The following CYLD variants were observed in gnomAD, a reference collection of about 807,000 sequenced individuals.
CYLD encodes the protein ubiquitin carboxyl-terminal hydrolase CYLD.
CYLD carries 26 observed loss-of-function variants against 104.5 expected under a neutral mutation model. The ratio of observed to expected loss-of-function variants is 0.25; its 90% CI spans 0.18 to 0.35. CYLD has a LOEUF of 0.35. CYLD is among the 10% of genes least tolerant of loss of function. The pLI is 1.00. For synonymous variants in CYLD, 385 were observed against 399.9 expected, an observed-to-expected ratio of 0.96 and a Z score of 0.45; for missense variants, 703 against 1,136.1, an observed-to-expected ratio of 0.62 and a Z score of 5.48.
chr16:50,794,517 A>G lies in CYLD; in HGVS notation c.2686+89A>G, dbSNP rs778742301. ...AGTGGGATCGCCTGTTCTGAGTGAT[A>G]TTTTCTGAGAAAATCCTTTCAGGAT... On this transcript the variant is annotated intron_variant, in intron 18 of 18. Coordinates refer to ENST00000427738, the MANE Select transcript of CYLD (RefSeq NM_001378743.1). This position sits in a 1 kb window ranked among gnomAD's most constrained non-coding sequence, Gnocchi z 4.1. The G allele has an allele frequency of 1.4e-5, 17 of 1,230,216 alleles. No homozygotes were observed. The highest frequency in any genetic ancestry group is 2.0e-5 in the Non-Finnish European group (17 of 836,178). 76.2% of individuals were successfully genotyped at this position (1,230,216 alleles called of 1,614,324 possible).
chr16:50,787,541 T>C (rs1399105953), intron 13 of CYLD: 9 of 421,544 alleles, frequency 2.1e-5, no homozygotes, highest in African/African-American at 1.0e-4. Flanking sequence ...TTATGTGCAA[T>C]GTGTTACACC....
chr16:50,791,814 A>G (rs935881711), intron 15 of CYLD, 124 bp downstream of exon 15: 6 of 1,093,430 alleles, frequency 5.5e-6, no homozygotes, highest in Non-Finnish European at 8.2e-6. Flanking sequence ...CTGTTAAGAA[A>G]CACAAATTTT....
At chr16:50,768,338 CT>C (rs1000053726) in intron 5 of CYLD, among the ~76,000 whole-genome samples, 1 of 152,024 alleles carries the variant, frequency 6.6e-6, no homozygotes, top group Non-Finnish European at 1.5e-5. Flanking sequence ...CATTAGGACT[CT>C]TTTCTTGAGG....
In CYLD at chr16:50,778,755, G is replaced by T. The variant is rs1230202497; in HGVS notation, c.1138+814G>T. Among the ~76,000 whole-genome samples, 5 of 152,302 alleles carry T rather than the reference G, an allele frequency of 3.3e-5. No individual in the cohort carries two copies. In the South Asian group the frequency reaches 8.3e-4, roughly 25 times the overall value. On this transcript the variant is annotated intron_variant, in intron 8 of 18. Transcript: ENST00000427738. ...AAAGGCAAACAGGCCTGACTCTGTG[G>T]TCTCCCAGCCTTTAGAGTTTTGCCT...
Position 50,781,378 on chromosome 16 carries a change from G to A in CYLD, c.1651G>A (p.Val551Ile), listed in dbSNP as rs1279948701. The change falls in exon 10 of 19, where the codon GTT becomes ATT. Residue 551 changes from valine to isoleucine, a missense_variant. Val to Ile is a conservative substitution (Grantham distance 29). Transcript: ENST00000427738. Reference protein sequence around the residue: ...PDSRFASLQPVSNQIERCNSL... With the variant: ...PDSRFASLQPISNQIERCNSL... ...CTCTAGGTTTGCATCATTGCAGCCG[G>A]TTTCCAATCAGATTGAGCGCTGTAA... 6.2e-7 allele frequency: 1 copy of A among 1,613,624 alleles called. No individual in the cohort carries two copies. The highest frequency in any genetic ancestry group is 8.5e-7 in the Non-Finnish European group (1 of 1,179,888).
intron 12 of CYLD, 123 bp from the exon 13 acceptor site, chr16:50,786,732 A>G (rs1217048377): frequency 8.2e-6 from 6 of 731,598 alleles, no homozygotes; most frequent in African/African-American, 3.6e-5. Context: ...TGCACACTCC[A>G]GCCTGAGTGA....
At chr16:50,775,999 G>T (rs1567443206) in intron 6 of CYLD, among the ~76,000 whole-genome samples, 180 bp from the exon 7 acceptor site, 2 of 152,126 alleles carry the variant, frequency 1.3e-5, no homozygotes, top group Non-Finnish European at 2.9e-5. Context: ...TACAGCATTG[G>T]TTTTTTCCCC....
At position 50,754,593 on chromosome 16, in the gene CYLD, C is replaced by T. The variant is rs577329674; in HGVS notation, c.913+169C>T. The T allele has an allele frequency of 1.1e-4, 67 of 586,284 alleles. 1 individual carries two copies. The highest frequency in any genetic ancestry group is 3.8e-4 in the South Asian group (19 of 49,486). The allele number at this position is 586,284 out of a possible 1,614,324, so 36.3% of individuals were successfully genotyped here. A position where few individuals can be genotyped will look rare whatever the true frequency, so the allele number is the denominator to read the frequency against. On this transcript the variant is annotated intron_variant, in intron 5 of 18. Transcript: ENST00000427738. ...CACCCGTCACCCGAGAAGTATACTCCGTACCCCATGTGTAGTCTTTTACCC... is the reference window on the plus strand; with the variant it reads ...CACCCGTCACCCGAGAAGTATACTCTGTACCCCATGTGTAGTCTTTTACCC...
rs748510262 is a variant in CYLD at position 50,751,876 on chromosome 16, A to G, written c.777A>G (p.Glu259=). 7.4e-6 allele frequency: 12 copies of G among 1,612,100 alleles called. No homozygotes were observed. The highest frequency in any genetic ancestry group is 3.3e-4 in the Middle Eastern group (2 of 6,062). ...TCTGTGATGTTTTGCCAGGAAAAGAAAGCTTAGGATATTTTGTTGGTGTGG... is the reference window on the plus strand; with the variant it reads ...TCTGTGATGTTTTGCCAGGAAAAGAGAGCTTAGGATATTTTGTTGGTGTGG... ...VIFCDVLPGK[E]SLGYFVGVDM... is the part of the protein sequence containing the mutation. The change falls in exon 4 of 19, where the codon GAA becomes GAG. Residue 259 remains glutamate (E), a synonymous_variant. Transcript: ENST00000427738.
intron 2 of CYLD, 40 bp from the exon 3 acceptor site, chr16:50,749,536 G>T: frequency 1.5e-6 from 1 of 673,370 alleles, no homozygotes; most frequent in Non-Finnish European, 2.5e-6. Context: ...GTTTATTTTT[G>T]CTTTTTCACT....
At chr16:50,776,036 T>C in intron 6 of CYLD, 143 bp from the exon 7 acceptor site, 1 of 673,450 alleles carries the variant, frequency 1.5e-6, no homozygotes, top group East Asian at 2.7e-5. Context: ...TCAATACTTT[T>C]GATGGCCTTT....
intron 2 of CYLD, among the ~76,000 whole-genome samples, chr16:50,747,659 G>A (rs1487314122): frequency 6.6e-6 from 1 of 152,174 alleles, no homozygotes; most frequent in Non-Finnish European, 1.5e-5. Flanking sequence ...GCCCTTATAA[G>A]GAGTTTTGTT....
At chr16:50,793,228 C>A (rs1971607713) in intron 16 of CYLD, among the ~76,000 whole-genome samples, 1 of 151,902 alleles carries the variant, frequency 6.6e-6, no homozygotes, top group South Asian at 2.1e-4. Flanking sequence ...TTATCTTCTG[C>A]CAACTAAAAT....
Position 50,797,385 on chromosome 16 carries a change from C to G in CYLD, c.*877C>G. On this transcript the variant is annotated 3_prime_UTR_variant, in exon 19 of 19. Coordinates refer to ENST00000427738, the MANE Select transcript of CYLD (RefSeq NM_001378743.1). ...TGGCATATAGAATTATTACAATTTC[C>G]TGGGAGAGATGGATATTTAAACCTC... 2 of 232,218 alleles carry G rather than the reference C, an allele frequency of 8.6e-6. No individual in the cohort carries two copies. The highest frequency in any genetic ancestry group is 1.7e-5 in the Non-Finnish European group (2 of 117,394). The allele number at this position is 232,218 out of a possible 1,614,324, so 14.4% of individuals were successfully genotyped here.
rs900564634 is a variant in CYLD, at chr16:50,778,027, G to GT, written c.1138+91dup. ...ATGGTTTTTTATATCAATATTTGTA[G>GT]TTTTTGGAAACAGAATAAGTAGACC... is the stretch of plus-strand genomic sequence containing the variant. On this transcript the variant is annotated intron_variant, in intron 8 of 18. Transcript: ENST00000427738. 3.7e-6 allele frequency: 3 copies of GT among 800,102 alleles called. No individual in the cohort carries two copies. In the African/African-American group the frequency reaches 5.2e-5, roughly 14 times the overall value. 49.6% of individuals were successfully genotyped at this position (800,102 alleles called of 1,614,324 possible). A position where few individuals can be genotyped will look rare whatever the true frequency, so the allele number is the denominator to read the frequency against.
In CYLD at chr16:50,797,548, A is replaced by G. The variant is rs1972151668; in HGVS notation, c.*1040A>G. 1 of 232,532 alleles carries G rather than the reference A, an allele frequency of 4.3e-6. No homozygotes were observed. The highest frequency in any genetic ancestry group is 8.5e-6 in the Non-Finnish European group (1 of 117,542). 14.4% of individuals were successfully genotyped at this position (232,532 alleles called of 1,614,324 possible). On this transcript the variant is annotated 3_prime_UTR_variant, in exon 19 of 19. Transcript: ENST00000427738. ...CAGCAGCTTCATCCTCCTTCTGATT[A>G]AAGTAAGTAGAAATGGGATGTTTTG...
chr16:50,787,758 CTT>C (rs1261673703), intron 13 of CYLD, 26 bp from the exon 14 acceptor site: 1 of 1,337,698 alleles, frequency 7.5e-7, no homozygotes, highest in Admixed American at 1.8e-5. Flanking sequence ...TTGCCTGTGA[CTT>C]ATTTGATTTT....
At chr16:50,756,918 A>T (rs898689469) in intron 5 of CYLD, among the ~76,000 whole-genome samples, 3 of 152,196 alleles carry the variant, frequency 2.0e-5, no homozygotes, top group African/African-American at 7.2e-5. Flanking sequence ...TGCTCTTTTC[A>T]GTACCTCCCC....
chr16:50,799,053 G>C lies in CYLD; in HGVS notation c.*2545G>C, dbSNP rs1972278726. 1 of 233,316 alleles carries C rather than the reference G, an allele frequency of 4.3e-6. No individual in the cohort carries two copies. The highest frequency in any genetic ancestry group is 2.2e-5 in the African/African-American group (1 of 45,338). 14.5% of individuals were successfully genotyped at this position (233,316 alleles called of 1,614,324 possible). ...GGTTTGTCAAGAGGCACATAGTTGG[G>C]GCTGGGCTGCATGGCACAGGGGCTT... On this transcript the variant is annotated 3_prime_UTR_variant, in exon 19 of 19. Transcript: ENST00000427738.
Sources: allele counts gnomAD v4.1 joint callset (sites outside exome capture counted in the v4.1 genomes callset), GRCh38; gene constraint gnomAD v4.1.1; non-coding constraint Gnocchi (gnomAD v3.1); transcripts MANE v1.5; gene names NCBI Gene and HGNC (gene_info 2026-07-23, HGNC 2026-07-21).